OR51I2: variants seen among roughly 807,000 people sequenced by gnomAD.
OR51I2 encodes the protein olfactory receptor 51I2.
OR51I2 carries 6 observed loss-of-function variants against 9.3 expected under a neutral mutation model. The observed-to-expected ratio is 0.64, with a 90% confidence interval of 0.35 to 1.27. The LOEUF (loss-of-function observed/expected upper bound fraction) is 1.27, where lower values mean the gene tolerates loss of function less well. Ranked by LOEUF, OR51I2 falls within the 50% of genes most tolerant of loss-of-function variation. The probability of loss-of-function intolerance (pLI) is 0.03; values close to 1 mark genes in which losing one functional copy is unlikely to be tolerated. For missense variants in OR51I2, 489 were observed against 396.4 expected (o/e 1.23, Z -1.98); for synonymous variants, 179 against 143.1 (o/e 1.25, Z -1.79).
rs754921159 is a variant in OR51I2 at position 5,453,775 on chromosome 11, CCTGT to C, written c.290_293del (p.Cys97Ter). 9.3e-6 allele frequency: 15 copies of C among 1,614,060 alleles called. No individual in the cohort carries two copies. The highest frequency in any genetic ancestry group is 2.7e-5 in the African/African-American group (2 of 74,918). ...AATGCCCGCAACATCACTTTTGATG[CCTGT>C]CTAATTCAGATGTTTCTTATTCACT... is the stretch of plus-strand genomic sequence containing the variant. On this transcript the variant is annotated frameshift_variant, in exon 2 of 2. Transcript: ENST00000641930. LOFTEE classifies it high-confidence loss of function.
At chr11:5,451,547 G>A (rs927446473) in intron 1 of OR51I2, among the ~76,000 whole-genome samples, 58 of 152,288 alleles carry the variant, frequency 3.8e-4, no homozygotes, top group African/African-American at 1.4e-3. Flanking sequence ...ACAACACGGA[G>A]GGACAGCCAC....
intron 1 of OR51I2, among the ~76,000 whole-genome samples, chr11:5,451,429 G>T (rs1434017969): frequency 6.6e-6 from 1 of 152,108 alleles, no homozygotes; most frequent in Non-Finnish European, 1.5e-5. Context: ...TAGTCAAATG[G>T]GAGAAATAAG....
In OR51I2 at chr11:5,455,380, G is replaced by T. The variant is rs1262242700; in HGVS notation, c.*953G>T. On this transcript the variant is annotated 3_prime_UTR_variant, in exon 2 of 2. Coordinates refer to ENST00000641930, the MANE Select transcript of OR51I2 (RefSeq NM_001004754.3). ...AAAAAAAAAAAGCCTAGGATAGACA[G>T]ACTAGAGCACTTATGGTTTAGATAC... 6.7e-6 allele frequency: 1 copy of T among 148,708 alleles called. No homozygotes were observed. The highest frequency in any genetic ancestry group is 2.0e-4 in the East Asian group (1 of 5,126). The allele number at this position is 148,708 out of a possible 1,614,324, so 9.2% of individuals were successfully genotyped here.
chr11:5,450,291 G>A (rs1030496392), intron 1 of OR51I2, among the ~76,000 whole-genome samples: 1 of 152,008 alleles, frequency 6.6e-6, no homozygotes, highest in Non-Finnish European at 1.5e-5. Context: ...GGGGAGGCTG[G>A]GGCACAAGAA....
intron 1 of OR51I2, among the ~76,000 whole-genome samples, chr11:5,450,816 G>A (rs1850834774): frequency 6.6e-6 from 1 of 152,082 alleles, no homozygotes; most frequent in African/African-American, 2.4e-5. Context: ...GAGAGCATGC[G>A]GTGTTTGGTT....
In OR51I2 at chr11:5,453,669, T is replaced by TAC. The variant is rs780173605; in HGVS notation, c.182_183dup (p.Phe62ThrfsTer38). ...GCCCAGCCTCCATGAGCCCATGTAC[T>TAC]ACTTCCTGTCCATGTTGTCCTTCAG... On this transcript the variant is annotated frameshift_variant, in exon 2 of 2. Coordinates refer to ENST00000641930, the MANE Select transcript of OR51I2 (RefSeq NM_001004754.3). LOFTEE classifies it low-confidence loss of function (END_TRUNC). The TAC allele has an allele frequency of 9.3e-6, 15 of 1,613,362 alleles. No homozygotes were observed. The Admixed American group carries it at 2.5e-4, about 27-fold the overall frequency.
rs897121807 is a variant in OR51I2 at position 5,454,486 on chromosome 11, G to GTCA, written c.*72_*74dup. The GTCA allele has an allele frequency of 3.1e-6, 4 of 1,293,304 alleles. No homozygotes were observed. Among genetic ancestry groups the GTCA allele is most frequent in the African/African-American group, 1.5e-5 (1 of 68,322 alleles). 80.1% of individuals were successfully genotyped at this position (1,293,304 alleles called of 1,614,324 possible). On this transcript the variant is annotated 3_prime_UTR_variant, in exon 2 of 2. Transcript: ENST00000641930. ...GCCATAGGCTCTCATCAGTAGCATC[G>GTCA]TCATCATCATCATCAAAGTATAAGA... is the stretch of plus-strand genomic sequence containing the variant.
intron 1 of OR51I2, among the ~76,000 whole-genome samples, chr11:5,450,341 A>G (rs1305178394): frequency 6.6e-6 from 1 of 152,186 alleles, no homozygotes; most frequent in African/African-American, 2.4e-5. Flanking sequence ...GTGAGCCAAG[A>G]TTGCACCACT....
rs1850929272 is a variant in OR51I2, at chr11:5,455,012, T to G, written c.*585T>G. ...CCCCACCACTGTCATTCTCAAACAC[T>G]CATACATTGCTTTAACTTCACAAAG... is the stretch of plus-strand genomic sequence containing the variant. On this transcript the variant is annotated 3_prime_UTR_variant, in exon 2 of 2. Coordinates refer to ENST00000641930, the MANE Select transcript of OR51I2 (RefSeq NM_001004754.3). 6.6e-6 allele frequency: 1 copy of G among 152,384 alleles called. No homozygotes were observed. The highest frequency in any genetic ancestry group is 2.1e-4 in the South Asian group (1 of 4,834). 9.4% of individuals were successfully genotyped at this position (152,384 alleles called of 1,614,324 possible). A position where few individuals can be genotyped will look rare whatever the true frequency, so the allele number is the denominator to read the frequency against.
rs1470838901 is a variant in OR51I2 at position 5,455,735 on chromosome 11, G to C, written c.*1308G>C. On this transcript the variant is annotated 3_prime_UTR_variant, in exon 2 of 2. Transcript: ENST00000641930. ...TCTAGAGGTTTTTTCTCTTTGTATT[G>C]AGGAAATACCAACAAGAGAGAGAGT... 2.6e-5 allele frequency: 4 copies of C among 152,068 alleles called. No individual in the cohort carries two copies. Among genetic ancestry groups the C allele is most frequent in the Admixed American group, 2.6e-4 (4 of 15,270 alleles). 9.4% of individuals were successfully genotyped at this position (152,068 alleles called of 1,614,324 possible). A position where few individuals can be genotyped will look rare whatever the true frequency, so the allele number is the denominator to read the frequency against.
chr11:5,453,729 G>A lies in OR51I2; in HGVS notation c.241G>A (p.Val81Ile), dbSNP rs1477746786. ...VAISMATLPT[V>I]LRTFCLNARN... is the part of the protein sequence containing the mutation. ...CATATCCATGGCCACACTGCCCACTGTACTCCGAACCTTCTGCCTCAATGC... is the reference window on the plus strand; with the variant it reads ...CATATCCATGGCCACACTGCCCACTATACTCCGAACCTTCTGCCTCAATGC... The change falls in exon 2 of 2, where the codon GTA becomes ATA. Residue 81 changes from valine to isoleucine, a missense_variant. Val to Ile is a conservative substitution (Grantham distance 29). Coordinates refer to ENST00000641930, the MANE Select transcript of OR51I2 (RefSeq NM_001004754.3). The A allele has an allele frequency of 4.3e-6, 7 of 1,614,138 alleles. No individual in the cohort carries two copies. Among genetic ancestry groups the A allele is most frequent in the Non-Finnish European group, 5.9e-6 (7 of 1,180,028 alleles).
At position 5,455,924 on chromosome 11, in the gene OR51I2, A is replaced by G. The variant is rs1410539123; in HGVS notation, c.*1497A>G. On this transcript the variant is annotated 3_prime_UTR_variant, in exon 2 of 2. Transcript: ENST00000641930. ...TGTTTGGATAGCATAACTTAGTATG[A>G]TTTCCAATGGAAAATTATTAGAATA... 1 of 152,218 alleles carries G rather than the reference A, an allele frequency of 6.6e-6. No homozygotes were observed. The highest frequency in any genetic ancestry group is 1.5e-5 in the Non-Finnish European group (1 of 68,034). The allele number at this position is 152,218 out of a possible 1,614,324, so 9.4% of individuals were successfully genotyped here.
intron 1 of OR51I2, among the ~76,000 whole-genome samples, chr11:5,451,578 T>C (rs1288786754): frequency 6.6e-6 from 1 of 152,218 alleles, no homozygotes; most frequent in Non-Finnish European, 1.5e-5. Flanking sequence ...GAAACCATAG[T>C]ACCTGTGAGT....
chr11:5,451,009 T>C (rs906234353), intron 1 of OR51I2, among the ~76,000 whole-genome samples: 11 of 152,352 alleles, frequency 7.2e-5, no homozygotes, highest in Admixed American at 6.5e-5. Context: ...CTCCATAAAC[T>C]GTGAGGAAAG....
Position 5,454,070 on chromosome 11 carries a change from C to A in OR51I2, c.582C>A (p.Ile194=). The change falls in exon 2 of 2, where the codon ATC becomes ATA. Residue 194 remains isoleucine (I), a synonymous_variant. Coordinates refer to ENST00000641930, the MANE Select transcript of OR51I2 (RefSeq NM_001004754.3). ...MMRLACADIS[I]NSIYGLFVLV... is the part of the protein sequence containing the mutation. ...GGCTTGCCTGTGCTGATATCAGTAT[C>A]AACAGCATCTATGGACTCTTTGTTC... 6.2e-7 allele frequency: 1 copy of A among 1,614,124 alleles called. No homozygotes were observed. Among genetic ancestry groups the A allele is most frequent in the Non-Finnish European group, 8.5e-7 (1 of 1,180,006 alleles).
At position 5,454,410 on chromosome 11, in the gene OR51I2, CA is replaced by C. The variant is rs79947333; in HGVS notation, c.923del (p.His308ProfsTer12). The stretch of plus-strand genomic sequence containing the variant: ...CCGCCGAGCCATTTTCCGCATGTTT[CA>C]CCACATCAAAATATGACTTTCACAC... ...EIRRAIFRMF[H>X]HIKI On this transcript the variant is annotated frameshift_variant, in exon 2 of 2. Coordinates refer to ENST00000641930, the MANE Select transcript of OR51I2 (RefSeq NM_001004754.3). LOFTEE classifies it high-confidence loss of function. The C allele has an allele frequency of 0.011, 17,813 of 1,606,774 alleles. 1,650 individuals are homozygous for C. In the African/African-American group the frequency reaches 0.2, roughly 18 times the overall value.
At chr11:5,453,119 A>C in intron 1 of OR51I2, 140 bp from the exon 2 acceptor site, 1 of 161,870 alleles carries the variant, frequency 6.2e-6, no homozygotes. Flanking sequence ...TCTTGTGGCT[A>C]TGAATTGTAG....
chr11:5,450,629 A>AT (rs1194731410), intron 1 of OR51I2, among the ~76,000 whole-genome samples: 1 of 151,904 alleles, frequency 6.6e-6, no homozygotes, highest in East Asian at 1.9e-4. Flanking sequence ...CTTTTGTGTA[A>AT]TTTTTTCTTA....
chr11:5,451,791 C>T (rs1419766995), intron 1 of OR51I2, among the ~76,000 whole-genome samples: 3 of 152,218 alleles, frequency 2.0e-5, no homozygotes, highest in Non-Finnish European at 2.9e-5. Flanking sequence ...GGAAAAACAG[C>T]GGTATGTAAT....
Sources: gnomAD v4.1 joint callset for allele counts (sites outside exome capture counted in the v4.1 genomes callset) on GRCh38, gnomAD v4.1.1 for gene constraint, MANE v1.5 for transcripts, NCBI Gene and HGNC (gene_info 2026-07-23, HGNC 2026-07-21) for gene names.